Variants in ATG4A observed in about 807,000 individuals in gnomAD.
The protein encoded by ATG4A is autophagy related 4A cysteine peptidase.
A neutral mutation model predicts 38.4 loss-of-function variants in ATG4A; 22 were observed. The ratio of observed to expected loss-of-function variants is 0.57; its 90% CI spans 0.41 to 0.82. The LOEUF (loss-of-function observed/expected upper bound fraction) is 0.82, where lower values mean the gene tolerates loss of function less well. ATG4A is among the 40% of genes least tolerant of loss of function. ATG4A has a pLI of 0.00. For synonymous variants in ATG4A, 86 were observed against 100.7 expected (o/e 0.85, Z 0.88); for missense variants, 220 against 290.0 (o/e 0.76, Z 1.75).
rs1290984269 is a variant in ATG4A at position 108,100,282 on chromosome X, A to AT, written c.10+8451dup. Among the ~76,000 whole-genome samples, 4 of 111,958 alleles carry AT rather than the reference A, an allele frequency of 3.6e-5. No individual in the cohort carries two copies. The South Asian group carries it at 1.5e-3, about 41-fold the overall frequency. On this transcript the variant is annotated intron_variant, in intron 1 of 12. Transcript: ENST00000372232. ...TTGCTAGTATATAGAAATATAAATGATTTTTGTATGATAGTTTTGCATATT... is the reference window on the plus strand; with the variant it reads ...TTGCTAGTATATAGAAATATAAATGATTTTTTGTATGATAGTTTTGCATATT...
intron 1 of ATG4A, among the ~76,000 whole-genome samples, chrX:108,107,533 T>C (rs1229724760): frequency 1.8e-5 from 2 of 112,516 alleles, no homozygotes; most frequent in African/African-American, 3.2e-5. Context: ...CTGTTGAATG[T>C]CTTTTCTCAT....
intron 1 of ATG4A, among the ~76,000 whole-genome samples, chrX:108,100,988 A>G (rs1175608169): frequency 9.0e-6 from 1 of 110,943 alleles, no homozygotes; most frequent in African/African-American, 3.3e-5. Context: ...TTCTTTAAGT[A>G]TTTGGTAGAA....
At chrX:108,129,943 G>A (rs1797512993) in intron 3 of ATG4A, among the ~76,000 whole-genome samples, 1 of 100,670 alleles carries the variant, frequency 9.9e-6, no homozygotes, top group Non-Finnish European at 2.0e-5. Context: ...ACAATCTTTA[G>A]TAACCAGTGG....
At chrX:108,095,474 T>C (rs1051570613) in intron 1 of ATG4A, among the ~76,000 whole-genome samples, 2 of 111,337 alleles carry the variant, frequency 1.8e-5, no homozygotes, top group Admixed American at 9.5e-5. Context: ...TCCTCCCACC[T>C]AGGTCTCAGA....
intron 1 of ATG4A, among the ~76,000 whole-genome samples, chrX:108,098,715 T>C (rs1001130373): frequency 2.7e-5 from 3 of 111,903 alleles, no homozygotes; most frequent in African/African-American, 9.7e-5. Flanking sequence ...ATTTTATATA[T>C]AATTAAAATG....
chrX:108,112,396 T>A (rs1241080804), intron 1 of ATG4A, among the ~76,000 whole-genome samples: 3 of 100,974 alleles, frequency 3.0e-5, no homozygotes, highest in African/African-American at 1.1e-4. Flanking sequence ...CTTCCCTGAC[T>A]TTTTTTTTTT....
chrX:108,125,905 A>C, intron 1 of ATG4A, among the ~76,000 whole-genome samples, 172 bp from the exon 2 acceptor site: 2 of 112,320 alleles, frequency 1.8e-5, no homozygotes, highest in Non-Finnish European at 3.8e-5. Context: ...GAAATCCTTC[A>C]ACTAAAGGAT....
At chrX:108,105,103 G>C (rs1008043048) in intron 1 of ATG4A, among the ~76,000 whole-genome samples, 5 of 110,324 alleles carry the variant, frequency 4.5e-5, no homozygotes, top group African/African-American at 1.3e-4. Flanking sequence ...TCTTTCTTTA[G>C]GATTGGTTTC....
chrX:108,112,056 G>A (rs189605385), intron 1 of ATG4A, among the ~76,000 whole-genome samples: 2 of 111,551 alleles, frequency 1.8e-5, no homozygotes, highest in East Asian at 5.6e-4. Flanking sequence ...GGGTACATGA[G>A]ATATTTTGAT....
intron 9 of ATG4A, among the ~76,000 whole-genome samples, chrX:108,140,959 T>C (rs1321841597): frequency 5.6e-5 from 5 of 89,347 alleles, no homozygotes; most frequent in African/African-American, 8.9e-5. Flanking sequence ...CATATATACA[T>C]ATATACACAT....
intron 1 of ATG4A, among the ~76,000 whole-genome samples, chrX:108,110,201 C>CA (rs35962236): frequency 0.38 from 19,399 of 51,483 alleles, 2,780 homozygotes; most frequent in Middle Eastern, 0.46. Context: ...CCTGTCTCCA[C>CA]AAAAAAAAAA....
rs865838413 is a variant in ATG4A, at chrX:108,126,246, G to T, written c.121+59G>T. The T allele has an allele frequency of 9.0e-5, 76 of 849,033 alleles. No homozygotes were observed. In the Middle Eastern group the frequency reaches 6.9e-3, roughly 77 times the overall value. 70.0% of individuals were successfully genotyped at this position (849,033 alleles called of 1,213,427 possible). A position where few individuals can be genotyped will look rare whatever the true frequency, so the allele number is the denominator to read the frequency against. ...AGATGAGGTAGGCACCTGTGGTTCA[G>T]GGTTTGTACTTTTTCTTCTTGGGTT... On this transcript the variant is annotated intron_variant, in intron 2 of 12. Coordinates refer to ENST00000372232, the MANE Select transcript of ATG4A (RefSeq NM_052936.5).
chrX:108,112,634 A>ATCCGCCCGCC (rs1308601815), intron 1 of ATG4A, among the ~76,000 whole-genome samples: 11 of 110,337 alleles, frequency 1.0e-4, no homozygotes, highest in African/African-American at 3.6e-4. Flanking sequence ...TGACCTCGTG[A>ATCCGCCCGCC]TCCGCCCGCC....
upstream of ATG4A, chrX:108,091,696 C>T (rs747651572): frequency 2.0e-6 from 2 of 977,063 alleles, no homozygotes; most frequent in Non-Finnish European, 2.9e-6. Context: ...CAGTTCCGGG[C>T]AGGGAGGCGC....
intron 1 of ATG4A, among the ~76,000 whole-genome samples, chrX:108,123,587 A>T (rs1429974305): frequency 8.9e-6 from 1 of 111,764 alleles, no homozygotes; most frequent in African/African-American, 3.3e-5. Context: ...CTATACATGT[A>T]GCCTCGATTC....
intron 9 of ATG4A, chrX:108,143,767 T>C (rs1226589173): frequency 9.5e-6 from 2 of 210,641 alleles, no homozygotes; most frequent in Non-Finnish European, 8.9e-6. Context: ...GGTGGATCAC[T>C]GGGGCTGATG....
intron 1 of ATG4A, among the ~76,000 whole-genome samples, chrX:108,094,832 A>G (rs900158372): frequency 8.9e-5 from 10 of 112,867 alleles, no homozygotes; most frequent in African/African-American, 3.2e-4. Context: ...ATTTTGGAAT[A>G]TGGAATATCC....
intron 1 of ATG4A, among the ~76,000 whole-genome samples, chrX:108,123,677 T>G (rs1452634474): frequency 8.9e-6 from 1 of 112,321 alleles, no homozygotes; most frequent in Non-Finnish European, 1.9e-5. Context: ...GAGACTGTAA[T>G]GACCTTCTTG....
intron 1 of ATG4A, among the ~76,000 whole-genome samples, chrX:108,104,918 C>T (rs1050658848): frequency 2.3e-4 from 21 of 89,880 alleles, no homozygotes; most frequent in African/African-American, 8.6e-4. Context: ...TGTTTAATAC[C>T]TGTCATGTTT....
Sources: allele counts gnomAD v4.1 joint callset (sites outside exome capture counted in the v4.1 genomes callset), GRCh38; gene constraint gnomAD v4.1.1; transcripts MANE v1.5; gene names NCBI Gene and HGNC (gene_info 2026-07-23, HGNC 2026-07-21).